The following MCC variants were observed in gnomAD, a reference collection of about 807,000 sequenced individuals.
MCC encodes colorectal mutant cancer protein.
Under a neutral mutation model 116.2 loss-of-function variants are expected in MCC, and 90 were observed. The ratio of observed to expected loss-of-function variants is 0.77; its 90% confidence interval spans 0.65 to 0.92. MCC has a LOEUF of 0.92. Among genes scored for constraint, MCC ranks in the 40% least tolerant of loss-of-function variants. The pLI, the probability that MCC is intolerant of heterozygous loss-of-function variation, is 0.00. For missense variants in MCC, 1,516 were observed against 1,312.2 expected (o/e 1.16, Z -2.40); for synonymous variants, 578 against 510.5 (o/e 1.13, Z -1.78).
chr5:113,181,904 C>T (rs1008771594), intron 3 of MCC, among the ~76,000 whole-genome samples: 9 of 152,160 alleles, frequency 5.9e-5, no homozygotes, highest in East Asian at 5.8e-4. Context: ...ACAGTTGCCA[C>T]GCAGATATGT....
chr5:113,201,074 T>C (rs960642337), intron 3 of MCC, among the ~76,000 whole-genome samples: 2 of 152,026 alleles, frequency 1.3e-5, no homozygotes, highest in African/African-American at 4.8e-5. Flanking sequence ...ATCTATATGC[T>C]TGGAACTGGA....
At chr5:113,316,021 G>T (rs1581394469) in intron 3 of MCC, among the ~76,000 whole-genome samples, 1 of 152,162 alleles carries the variant, frequency 6.6e-6, no homozygotes, top group South Asian at 2.1e-4. Context: ...ACTTTGGGAG[G>T]CTGAGGTGGG....
At chr5:113,470,127 CTT>C (rs1331051024) in intron 1 of MCC, among the ~76,000 whole-genome samples, 1 of 151,484 alleles carries the variant, frequency 6.6e-6, no homozygotes, top group African/African-American at 2.4e-5. Context: ...GGTCTTGACT[CTT>C]TATCCAATTT....
rs1756424940 is a variant in MCC at position 113,101,749 on chromosome 5, A to G, written c.1388T>C (p.Leu463Pro). The change falls in exon 8 of 19, where the codon CTC (leucine) becomes CCC (proline). Residue 463 changes from leucine (L) to proline (P), a missense_variant. Transcript: ENST00000408903. ...ATGCAGCATGCTCACCCTCCTCCGG[A>G]GCCGGTCCCGCTCTTCCCGGATGGC... is the stretch of plus-strand genomic sequence containing the variant. ...MNAIREERDR[L>P]RRRVRELQTR... The G allele has an allele frequency of 1.2e-6, 2 of 1,613,140 alleles. No homozygotes were observed. The highest frequency in any genetic ancestry group is 1.7e-6 in the Non-Finnish European group (2 of 1,179,988).
At chr5:113,225,436 C>T (rs1336316680) in intron 3 of MCC, among the ~76,000 whole-genome samples, 1 of 152,192 alleles carries the variant, frequency 6.6e-6, no homozygotes, top group African/African-American at 2.4e-5. Context: ...CACCCTTCCA[C>T]TTTCCCCACC....
intron 3 of MCC, among the ~76,000 whole-genome samples, chr5:113,311,106 G>A (rs1767125678): frequency 6.6e-6 from 1 of 152,070 alleles, no homozygotes; most frequent in African/African-American, 2.4e-5. Flanking sequence ...CTTCAGTCTG[G>A]GTGACAGAGC....
chr5:113,357,989 A>C (rs1768454782), intron 2 of MCC, among the ~76,000 whole-genome samples: 1 of 152,184 alleles, frequency 6.6e-6, no homozygotes, highest in South Asian at 2.1e-4. Context: ...AAACTTTCTA[A>C]AAAACTTTCA....
chr5:113,459,086 C>T (rs1213190097), intron 1 of MCC, among the ~76,000 whole-genome samples: 2 of 143,796 alleles, frequency 1.4e-5, no homozygotes, highest in South Asian at 2.2e-4. Flanking sequence ...CCTGGATGCT[C>T]TGAACAGGTG....
chr5:113,421,054 C>T (rs1244872147), intron 1 of MCC, among the ~76,000 whole-genome samples: 2 of 151,568 alleles, frequency 1.3e-5, no homozygotes, highest in Non-Finnish European at 2.9e-5. Context: ...GATGGAGTCT[C>T]ACTCTGTTGC....
At chr5:113,315,933 C>G (rs116278501) in intron 3 of MCC, among the ~76,000 whole-genome samples, 4,619 of 151,618 alleles carry the variant, frequency 0.03, 105 homozygotes, top group Non-Finnish European at 0.043. Context: ...TTCGAAGTGC[C>G]CAAAACAACT....
At chr5:113,335,677 T>C (rs1410777250) in intron 3 of MCC, among the ~76,000 whole-genome samples, 1 of 151,664 alleles carries the variant, frequency 6.6e-6, no homozygotes, top group African/African-American at 2.4e-5. Flanking sequence ...AAATATCTCA[T>C]ATTGCTTTAC....
At chr5:113,145,737 TACACACAC>T (rs558608537) in intron 4 of MCC, among the ~76,000 whole-genome samples, 1,610 of 123,494 alleles carry the variant, frequency 0.013, 28 homozygotes, top group African/African-American at 0.043. Flanking sequence ...TAAACTTGCT[TACACACAC>T]ACACACACAC....
intron 3 of MCC, among the ~76,000 whole-genome samples, chr5:113,224,707 A>G (rs1763669984): frequency 6.6e-6 from 1 of 152,240 alleles, no homozygotes; most frequent in Admixed American, 6.5e-5. Context: ...CTGAAAGGTC[A>G]GGAAAAGGAC....
intron 2 of MCC, among the ~76,000 whole-genome samples, chr5:113,361,986 C>T (rs1169581238): frequency 6.6e-6 from 1 of 152,138 alleles, no homozygotes; most frequent in Non-Finnish European, 1.5e-5. Context: ...CTTCCTGGTT[C>T]CCCAGCTTAT....
chr5:113,222,708 C>T (rs1763595940), intron 3 of MCC, among the ~76,000 whole-genome samples: 1 of 152,178 alleles, frequency 6.6e-6, no homozygotes, highest in South Asian at 2.1e-4. Context: ...GCACATATTT[C>T]TGTTGTTTGA....
Position 113,025,395 on chromosome 5 carries a change from A to AGGTG in MCC, c.*1903_*1906dup, listed in dbSNP as rs1290584608. On this transcript the variant is annotated 3_prime_UTR_variant, in exon 19 of 19. Coordinates refer to ENST00000408903, the MANE Select transcript of MCC (RefSeq NM_001085377.2). Reference sequence around the variant, plus strand: ...GTAATCCCAGCACTTTGGGAGGCCGAGGTGGGTGGATCAGTGGTCAGGAGT... The same window carrying AGGTG: ...GTAATCCCAGCACTTTGGGAGGCCGAGGTGGGTGGGTGGATCAGTGGTCAGGAGT... The AGGTG allele has an allele frequency of 1.3e-5, 2 of 151,982 alleles. No individual in the cohort carries two copies. The highest frequency in any genetic ancestry group is 2.9e-5 in the Non-Finnish European group (2 of 68,004). The allele number at this position is 151,982 out of a possible 1,614,324, so 9.4% of individuals were successfully genotyped here.
At chr5:113,221,831 A>G (rs779132422) in intron 3 of MCC, among the ~76,000 whole-genome samples, 2 of 151,564 alleles carry the variant, frequency 1.3e-5, no homozygotes, top group Non-Finnish European at 1.5e-5. Flanking sequence ...TAAAACTGTG[A>G]TCCTCGAACA....
At position 113,049,311 on chromosome 5, in the gene MCC, G is replaced by A. The variant is rs1357488228; in HGVS notation, c.2449-12C>T. On this transcript the variant is annotated splice_polypyrimidine_tract_variant and intron_variant, in intron 15 of 18. Transcript: ENST00000408903. The stretch of plus-strand genomic sequence containing the variant: ...TCGGCCATCTCCTCCTACAGACAAA[G>A]GAGCACAGAGCACATGAGGCATGCC... 1.3e-6 allele frequency: 2 copies of A among 1,558,012 alleles called. No homozygotes were observed. Among genetic ancestry groups the A allele is most frequent in the Non-Finnish European group, 1.7e-6 (2 of 1,149,600 alleles).
chr5:113,096,419 G>C (rs540974270), intron 8 of MCC, among the ~76,000 whole-genome samples: 3 of 152,338 alleles, frequency 2.0e-5, no homozygotes, highest in Admixed American at 2.0e-4. Context: ...GCTTCCCAGT[G>C]ATTCTGACAC....
Sources: gnomAD v4.1 joint callset for allele counts (sites outside exome capture counted in the v4.1 genomes callset) on GRCh38, gnomAD v4.1.1 for gene constraint, MANE v1.5 for transcripts, NCBI Gene and HGNC (gene_info 2026-07-23, HGNC 2026-07-21) for gene names.